The following DDX50 variants were observed in gnomAD, a reference collection of about 807,000 sequenced individuals.
DDX50 encodes the protein ATP-dependent RNA helicase DDX50.
In DDX50, 56 loss-of-function variants were observed where a neutral mutation model predicts 94.8. The observed-to-expected ratio is 0.59, with a 90% CI of 0.48 to 0.74. The LOEUF (loss-of-function observed/expected upper bound fraction) is 0.74. Ranked by LOEUF, DDX50 falls within the 30% of genes least tolerant of loss-of-function variation. DDX50 has a pLI of 0.00. For missense variants in DDX50, 713 were observed against 881.2 expected (o/e 0.81, Z 2.42); for synonymous variants, 264 against 295.4 (o/e 0.89, Z 1.09).
At chr10:68,944,791 C>T (rs971409736) in intron 14 of DDX50, among the ~76,000 whole-genome samples, 6 of 152,084 alleles carry the variant, frequency 3.9e-5, no homozygotes, top group South Asian at 2.1e-4. Context: ...ATGATCCGCC[C>T]GCCTCGGCCT....
chr10:68,915,640 C>T (rs1424426340), intron 7 of DDX50, among the ~76,000 whole-genome samples: 36 of 150,498 alleles, frequency 2.4e-4, no homozygotes, highest in Admixed American at 6.0e-4. Context: ...TGCTTGAACC[C>T]GGGAGGCGGA....
intron 8 of DDX50, among the ~76,000 whole-genome samples, chr10:68,921,076 C>G (rs1291847399): frequency 6.6e-6 from 1 of 151,198 alleles, no homozygotes; most frequent in Admixed American, 6.6e-5. Context: ...ATTATTTTAT[C>G]TATATGCTAA....
At chr10:68,940,484 A>G (rs1236542718) in intron 12 of DDX50, among the ~76,000 whole-genome samples, 5 of 151,800 alleles carry the variant, frequency 3.3e-5, no homozygotes, top group East Asian at 1.9e-4. Context: ...CAGTGGTGCA[A>G]TCTCGGCTCA....
At position 68,934,441 on chromosome 10, in the gene DDX50, GT is replaced by G; in HGVS notation, c.1401+82del. On this transcript the variant is annotated intron_variant, in intron 9 of 14. Coordinates refer to ENST00000373585, the MANE Select transcript of DDX50 (RefSeq NM_024045.2). The surrounding 1 kb of genome is among the most constrained non-coding windows in gnomAD (Gnocchi z 4.0). ...TAATTTACAACATATTGCTTGGGAT[GT>G]GAAAAATATGTCATCTCTTCTTGCT... The G allele has an allele frequency of 6.4e-7, 1 of 1,566,538 alleles. No individual in the cohort carries two copies. Among genetic ancestry groups the G allele is most frequent in the Non-Finnish European group, 8.6e-7 (1 of 1,156,756 alleles).
At position 68,934,241 on chromosome 10, in the gene DDX50, GA is replaced by G; in HGVS notation, c.1285del (p.Ile429LeufsTer3). ...TGGGGACATTGCACAGTCACAAAGA[GA>G]AATTACACTAAAAGGCTTCAGAGAA... is the stretch of plus-strand genomic sequence containing the variant. Reference protein sequence around the residue: ...LHGDIAQSQREITLKGFREGS... With the variant: ...LHGDIAQSQRXITLKGFREGS... On this transcript the variant is annotated frameshift_variant, in exon 9 of 15. Transcript: ENST00000373585. LOFTEE classifies it high-confidence loss of function. This position sits in a 1 kb window ranked among gnomAD's most constrained non-coding sequence, Gnocchi z 4.0. 1 of 1,612,316 alleles carries G rather than the reference GA, an allele frequency of 6.2e-7. No individual in the cohort carries two copies. Among genetic ancestry groups the G allele is most frequent in the Non-Finnish European group, 8.5e-7 (1 of 1,179,812 alleles).
rs759074528 is a variant in DDX50 at position 68,946,496 on chromosome 10, G to A, written c.2080G>A (p.Gly694Ser). The A allele has an allele frequency of 1.2e-6, 2 of 1,614,124 alleles. No homozygotes were observed. Among genetic ancestry groups the A allele is most frequent in the Admixed American group, 1.7e-5 (1 of 60,026 alleles). Residue 694 changes from glycine (G) to serine (S), a missense_variant, in exon 15 of 15, where the codon GGT (glycine) becomes AGT (serine). This residue lies in a region of DDX50 where 428 missense variants were observed against 602.3 expected (regional missense o/e 0.71). Transcript: ENST00000373585. ...SGRSGRSGRS[G>S]GRSGGRSGRQ... ...TCGATCAGGCCGGTCAGGCCGGTCAGGTGGTCGATCTGGCGGCCGGTCAGG... is the reference window on the plus strand; with the variant it reads ...TCGATCAGGCCGGTCAGGCCGGTCAAGTGGTCGATCTGGCGGCCGGTCAGG...
At chr10:68,913,112 A>T in intron 4 of DDX50, 50 bp from the exon 5 acceptor site, 1 of 1,453,210 alleles carries the variant, frequency 6.9e-7, no homozygotes, top group Non-Finnish European at 9.4e-7. Context: ...GTTTTAATTT[A>T]GATATGTCTT....
At chr10:68,943,331 A>T in intron 14 of DDX50, 74 bp downstream of exon 14, 1 of 1,231,042 alleles carries the variant, frequency 8.1e-7, no homozygotes, top group Admixed American at 2.1e-5. Context: ...TTTGGGAAAC[A>T]TAGTCACAAT....
chr10:68,904,593 T>A (rs1362078021), intron 1 of DDX50, among the ~76,000 whole-genome samples: 2 of 152,194 alleles, frequency 1.3e-5, no homozygotes, highest in African/African-American at 4.8e-5. Context: ...AAAGTGTAAC[T>A]GAAACCAAGT....
intron 6 of DDX50, 41 bp downstream of exon 6, chr10:68,913,617 T>C: frequency 6.4e-7 from 1 of 1,559,780 alleles, no homozygotes; most frequent in Non-Finnish European, 8.7e-7. Context: ...CAATTATTGT[T>C]CGATCTTAAA....
intron 7 of DDX50, among the ~76,000 whole-genome samples, chr10:68,914,879 G>A (rs894590454): frequency 1.3e-5 from 2 of 151,926 alleles, no homozygotes; most frequent in African/African-American, 2.4e-5. Context: ...AAAATTAGCC[G>A]GCCTGGTGGC....
chr10:68,910,248 A>G, intron 2 of DDX50, 59 bp from the exon 3 acceptor site: 3 of 1,387,990 alleles, frequency 2.2e-6, no homozygotes, highest in Non-Finnish European at 3.0e-6. Context: ...AAAATTAAAA[A>G]CAGTAAATGA....
At chr10:68,909,393 A>G (rs1841560153) in intron 2 of DDX50, among the ~76,000 whole-genome samples, 1 of 152,242 alleles carries the variant, frequency 6.6e-6, no homozygotes, top group South Asian at 2.1e-4. Context: ...TGTTAAAGAA[A>G]TCTTCAAGCT....
chr10:68,940,607 G>A (rs1374246755), intron 12 of DDX50, among the ~76,000 whole-genome samples: 1 of 151,508 alleles, frequency 6.6e-6, no homozygotes, highest in Admixed American at 6.6e-5. Flanking sequence ...TGTAGCAATG[G>A]TTATTTCACC....
intron 11 of DDX50, 116 bp from the exon 12 acceptor site, chr10:68,936,820 G>A: frequency 9.5e-7 from 1 of 1,057,610 alleles, no homozygotes; most frequent in Non-Finnish European, 1.3e-6. Context: ...CAGACTGGGT[G>A]ACAGAGCAAG....
At chr10:68,920,629 C>G (rs1218076625) in intron 8 of DDX50, among the ~76,000 whole-genome samples, 1 of 151,882 alleles carries the variant, frequency 6.6e-6, no homozygotes, top group African/African-American at 2.4e-5. Context: ...AATACTAAAT[C>G]CATGTGTTTT....
chr10:68,918,670 G>T (rs183864562), intron 7 of DDX50, among the ~76,000 whole-genome samples: 1 of 151,616 alleles, frequency 6.6e-6, no homozygotes, highest in Non-Finnish European at 1.5e-5. Flanking sequence ...CAGGTGATCC[G>T]CTGGCCTTGG....
rs370499254 is a variant in DDX50, at chr10:68,910,284, G to C, written c.385-23G>C. The C allele has an allele frequency of 2.6e-6, 4 of 1,556,312 alleles. No homozygotes were observed. The African/African-American group carries it at 4.2e-5, about 16-fold the overall frequency. ...GGAAGAGTTGAGTATAAATTATTTA[G>C]GCCATTGATTTCATTTTTACAGACC... On this transcript the variant is annotated intron_variant, in intron 2 of 14. Transcript: ENST00000373585.
Position 68,930,473 on chromosome 10 carries a change from T to C in DDX50, c.1240-3726T>C, listed in dbSNP as rs568234545. Among the ~76,000 whole-genome samples the C allele has an allele frequency of 2.5e-4, 38 of 152,344 alleles. No homozygotes were observed. The South Asian group carries it at 7.7e-3, about 31-fold the overall frequency. On this transcript the variant is annotated intron_variant, in intron 8 of 14. Coordinates refer to ENST00000373585, the MANE Select transcript of DDX50 (RefSeq NM_024045.2). ...CTAAACATCTGAGAATCATGTATAA[T>C]GTATCTCTTTCCTTTATACATCATT...
Sources: gnomAD v4.1 joint callset for allele counts (sites outside exome capture counted in the v4.1 genomes callset) on GRCh38, gnomAD v4.1.1 for gene constraint, gnomAD v4.1.1 regional missense constraint, Gnocchi (gnomAD v3.1) non-coding constraint, MANE v1.5 for transcripts, NCBI Gene and HGNC (gene_info 2026-07-23, HGNC 2026-07-21) for gene names.